The following ITGAE variants were observed in gnomAD, a reference collection of about 807,000 sequenced individuals.
ITGAE encodes the protein integrin subunit alpha E, also known as integrin alpha-E.
ITGAE carries 99 observed loss-of-function variants against 136.5 expected under a neutral mutation model. The ratio of observed to expected loss-of-function variants is 0.73; its 90% CI spans 0.62 to 0.86. The LOEUF is 0.86. Among genes scored for constraint, ITGAE ranks in the 40% least tolerant of loss-of-function variants. The probability of loss-of-function intolerance (pLI) is 0.00; values close to 1 mark genes in which losing one functional copy is unlikely to be tolerated. For missense variants in ITGAE, 1,447 were observed against 1,515.3 expected (o/e 0.95, Z 0.75); for synonymous variants, 613 against 591.8 (o/e 1.04, Z -0.52).
chr17:3,753,998 T>A, intron 12 of ITGAE, 73 bp from the exon 13 acceptor site: 3 of 1,550,510 alleles, frequency 1.9e-6, no homozygotes, highest in Non-Finnish European at 2.6e-6. Flanking sequence ...CCCGGCACCT[T>A]CCCAGTCAGG....
intron 26 of ITGAE, chr17:3,725,984 G>C (rs752810508): frequency 1.9e-6 from 3 of 1,613,772 alleles, no homozygotes; most frequent in East Asian, 4.5e-5. Flanking sequence ...GGTTGCAAGT[G>C]AGCATCATTG....
At chr17:3,747,601 G>A (rs933624997) in intron 17 of ITGAE, among the ~76,000 whole-genome samples, 2 of 152,118 alleles carry the variant, frequency 1.3e-5, no homozygotes, top group African/African-American at 2.4e-5. Flanking sequence ...GAGCCACCGC[G>A]CCCGGCCTTC....
chr17:3,762,641 A>C (rs1597344815), intron 3 of ITGAE, among the ~76,000 whole-genome samples: 2 of 122,832 alleles, frequency 1.6e-5, no homozygotes, highest in South Asian at 5.2e-4. Flanking sequence ...TCTGTCGCCC[A>C]GGCTGGAGTG....
In ITGAE at chr17:3,760,438, T is replaced by TTA; in HGVS notation, c.599-152_599-151insTA. The stretch of plus-strand genomic sequence containing the variant: ...AGCTCCCAAGAGGGAAGCTTTTTTT[T>TTA]TTTTTTTTTTTTTTTTTTTGAGACA... On this transcript the variant is annotated intron_variant, in intron 6 of 30. Coordinates refer to ENST00000263087, the MANE Select transcript of ITGAE (RefSeq NM_002208.5). 17 of 476,448 alleles carry TTA rather than the reference T, an allele frequency of 3.6e-5. No homozygotes were observed. The South Asian group carries it at 5.0e-4, about 14-fold the overall frequency. 29.5% of individuals were successfully genotyped at this position (476,448 alleles called of 1,614,324 possible).
Position 3,761,116 on chromosome 17 carries a change from G to T in ITGAE, c.495C>A (p.Gly165=). Residue 165 remains glycine (G), a synonymous_variant, in exon 6 of 31, where the codon GGC becomes GGA. Coordinates refer to ENST00000263087, the MANE Select transcript of ITGAE (RefSeq NM_002208.5). ...DTGDCYSNKE[G]GGEDDVNTAR... ...CTGTGTTCACATCGTCTTCTCCACC[G>T]CCTTCTTTGTTGCTGTAGCAGTCTC... The T allele has an allele frequency of 6.2e-7, 1 of 1,612,948 alleles. No homozygotes were observed. Among genetic ancestry groups the T allele is most frequent in the Non-Finnish European group, 8.5e-7 (1 of 1,180,010 alleles).
intron 20 of ITGAE, among the ~76,000 whole-genome samples, chr17:3,735,321 C>T (rs1300608882): frequency 6.6e-6 from 1 of 152,220 alleles, no homozygotes; most frequent in African/African-American, 2.4e-5. Flanking sequence ...GCACGCGCCA[C>T]CATGCCTGGC....
chr17:3,780,231 C>T (rs1449575392), intron 1 of ITGAE, among the ~76,000 whole-genome samples: 2 of 149,394 alleles, frequency 1.3e-5, no homozygotes, highest in Non-Finnish European at 3.0e-5. Context: ...AGCGCAGAGG[C>T]GAGATCTCAG....
At chr17:3,732,070 C>T (rs2051356169) in intron 22 of ITGAE, among the ~76,000 whole-genome samples, 1 of 96,072 alleles carries the variant, frequency 1.0e-5, no homozygotes, top group African/African-American at 4.5e-5. Context: ...AATGAAACTC[C>T]ATCTCAAAAA....
Position 3,732,461 on chromosome 17 carries a change from G to C in ITGAE, c.2661C>G (p.Pro887=). The C allele has an allele frequency of 6.2e-7, 1 of 1,613,716 alleles. No homozygotes were observed. Among genetic ancestry groups the C allele is most frequent in the African/African-American group, 1.3e-5 (1 of 75,034 alleles). ...NLQLKRMQKP[P]SPNIQCDDPQ... is the part of the protein sequence containing the mutation. ...GGTCATCACACTGAATGTTTGGAGA[G>C]GGAGGCTGTTAAAAGAGCAGATGAC... Residue 887 remains proline, a synonymous_variant, in exon 22 of 31, where the codon CCC becomes CCG. Transcript: ENST00000263087.
intron 2 of ITGAE, among the ~76,000 whole-genome samples, chr17:3,775,529 G>A (rs1056321495): frequency 3.3e-5 from 5 of 151,974 alleles, no homozygotes; most frequent in Admixed American, 2.0e-4. Flanking sequence ...GCACGATCTC[G>A]GCTCACTGCA....
rs755088675 is a variant in ITGAE, at chr17:3,777,534, A to G, written c.155+6T>C. ...TGAAGGCCTCTTGCCCACCGGCCCT[A>G]CTCACCAGGTCTGGTTGGTGCTGGG... On this transcript the variant is annotated splice_donor_region_variant and intron_variant, in intron 2 of 30. Coordinates refer to ENST00000263087, the MANE Select transcript of ITGAE (RefSeq NM_002208.5). 7.3e-5 allele frequency: 117 copies of G among 1,606,322 alleles called. 1 individual carries two copies. Among genetic ancestry groups the G allele is most frequent in the Non-Finnish European group, 8.6e-5 (101 of 1,175,454 alleles).
rs555269325 is a variant in ITGAE at position 3,749,285 on chromosome 17, C to T, written c.2024+1067G>A. 7.9e-3 allele frequency among the ~76,000 whole-genome samples: 1,201 copies of T among 151,202 alleles called. 22 individuals are homozygous for T. Among genetic ancestry groups the T allele is most frequent in the African/African-American group, 0.028 (1,135 of 41,078 alleles). On this transcript the variant is annotated intron_variant, in intron 16 of 30. Transcript: ENST00000263087. ...TTTTTTTTTTTTGGAGACGGAGTCT[C>T]GCTCTGTCGCCCAGGCTGGAGTGCA...
chr17:3,767,268 C>T (rs749245714), intron 2 of ITGAE, among the ~76,000 whole-genome samples: 3 of 151,888 alleles, frequency 2.0e-5, no homozygotes, highest in African/African-American at 2.4e-5. Flanking sequence ...AGCTAATTTT[C>T]GTATTTTTAG....
At chr17:3,725,331 G>A in intron 26 of ITGAE, 1 of 1,614,230 alleles carries the variant, frequency 6.2e-7, no homozygotes. Context: ...GGTTTATGGG[G>A]AATGCAGTCA....
At chr17:3,734,972 T>C in intron 20 of ITGAE, 23 bp from the exon 21 acceptor site, 1 of 1,613,672 alleles carries the variant, frequency 6.2e-7, no homozygotes, top group Middle Eastern at 1.7e-4. Context: ...CAGATAAAAA[T>C]GTTACAGTTT....
At position 3,751,653 on chromosome 17, in the gene ITGAE, C is replaced by CGA. The variant is rs772680395; in HGVS notation, c.1888_1889dup (p.Gln631ArgfsTer53). The stretch of plus-strand genomic sequence containing the variant: ...AGGAGAGGGCCCCATGGGTCACCTG[C>CGA]GAGGGGCTGGCGGAGAGGCCGTCCC... On this transcript the variant is annotated frameshift_variant, in exon 15 of 31. Transcript: ENST00000263087. LOFTEE classifies it high-confidence loss of function. 6.2e-7 allele frequency: 1 copy of CGA among 1,613,522 alleles called. No homozygotes were observed. Among genetic ancestry groups the CGA allele is most frequent in the South Asian group, 1.1e-5 (1 of 91,064 alleles).
At chr17:3,723,525 G>T in intron 27 of ITGAE, 142 bp from the exon 28 acceptor site, 1 of 987,048 alleles carries the variant, frequency 1.0e-6, no homozygotes, top group Non-Finnish European at 1.6e-6. Context: ...CCCAAGCGAA[G>T]CTCCAGCGGG....
intron 2 of ITGAE, among the ~76,000 whole-genome samples, chr17:3,770,554 G>A (rs771407615): frequency 2.6e-5 from 4 of 152,148 alleles, no homozygotes; most frequent in Non-Finnish European, 2.9e-5. Context: ...AGAGGCACAC[G>A]TCATTCTCAA....
Position 3,732,374 on chromosome 17 carries a change from C to T in ITGAE, c.2748G>A (p.Arg916=), listed in dbSNP as rs1373846678. Residue 916 remains arginine, a synonymous_variant, in exon 22 of 31, where the codon AGG becomes AGA. Transcript: ENST00000263087. ...NCRIGHPVLK[R]SSAHVSVVWQ... ...TCAGTCCAAACCGACTCACAGATGA[C>T]CTCTTGAGGACGGGGTGACCAATCC... is the stretch of plus-strand genomic sequence containing the variant. The T allele has an allele frequency of 1.4e-5, 23 of 1,613,304 alleles. No homozygotes were observed. The Admixed American group carries it at 3.8e-4, about 27-fold the overall frequency.
Sources: allele counts gnomAD v4.1 joint callset (sites outside exome capture counted in the v4.1 genomes callset), GRCh38; gene constraint gnomAD v4.1.1; transcripts MANE v1.5; gene names NCBI Gene and HGNC (gene_info 2026-07-23, HGNC 2026-07-21).